Variants in PPP1R7 observed in about 807,000 individuals in gnomAD.
PPP1R7 encodes protein phosphatase 1 regulatory subunit 22.
PPP1R7 carries 18 observed loss-of-function variants against 45.2 expected under a neutral mutation model. That is an observed-to-expected ratio of 0.40 (90% CI 0.28 to 0.59). The LOEUF is 0.59. Among genes scored for constraint, PPP1R7 ranks in the 20% least tolerant of loss-of-function variants. PPP1R7 has a pLI of 0.46. For synonymous variants in PPP1R7, 181 were observed against 183.4 expected (o/e 0.99, Z 0.11); for missense variants, 314 against 455.8 (o/e 0.69, Z 2.83).
intron 7 of PPP1R7, among the ~76,000 whole-genome samples, chr2:241,166,037 G>C (rs1305135825): frequency 6.7e-6 from 1 of 149,874 alleles, no homozygotes; most frequent in Non-Finnish European, 1.5e-5. Flanking sequence ...CGAGTAGCTG[G>C]GACTACAGGC....
intron 8 of PPP1R7, among the ~76,000 whole-genome samples, chr2:241,168,082 C>T (rs943980707): frequency 3.3e-5 from 5 of 152,116 alleles, no homozygotes; most frequent in African/African-American, 4.8e-5. Flanking sequence ...GTTTCTGTGG[C>T]GTTGTGTCAT....
Position 241,169,877 on chromosome 2 carries a change from A to T in PPP1R7, c.906+10A>T, listed in dbSNP as rs373479501. The stretch of plus-strand genomic sequence containing the variant: ...GCTGCAAGAGTTCTGGGTAAGTTTA[A>T]TACACGCTGGGGTTGATGACACTTT... On this transcript the variant is annotated intron_variant, in intron 9 of 9. Transcript: ENST00000234038. The T allele has an allele frequency of 6.9e-6, 11 of 1,591,152 alleles. No homozygotes were observed. Among genetic ancestry groups the T allele is most frequent in the Middle Eastern group, 1.7e-4 (1 of 5,998 alleles).
At position 241,159,247 on chromosome 2, in the gene PPP1R7, T is replaced by C; in HGVS notation, c.338T>C (p.Ile113Thr). The C allele has an allele frequency of 6.2e-7, 1 of 1,613,598 alleles. No individual in the cohort carries two copies. Among genetic ancestry groups the C allele is most frequent in the Non-Finnish European group, 8.5e-7 (1 of 1,179,656 alleles). Residue 113 changes from isoleucine to threonine, a missense_variant, in exon 5 of 10, where the codon ATT becomes ACT. By Grantham distance (89) the Ile-to-Thr change is moderately conservative. Transcript: ENST00000234038. ...CTCCGCCAAAATTTAATTAAATGCA[T>C]TGAGAATCTGGAGGAGCTACAGAGT... The part of the protein sequence containing the change: ...LCLRQNLIKC[I>T]ENLEELQSLR...
intron 1 of PPP1R7, 56 bp from the exon 2 acceptor site, chr2:241,153,420 G>C: frequency 6.2e-7 from 1 of 1,603,786 alleles, no homozygotes; most frequent in Non-Finnish European, 8.5e-7. Flanking sequence ...TTTATTATAT[G>C]TTCCTCAAAG....
chr2:241,175,231 G>T (rs1449352592), intron 9 of PPP1R7, among the ~76,000 whole-genome samples: 1 of 152,138 alleles, frequency 6.6e-6, no homozygotes, highest in Non-Finnish European at 1.5e-5. Flanking sequence ...TACAGTGAGT[G>T]GTATTCAGCA....
At position 241,160,353 on chromosome 2, in the gene PPP1R7, TCTG is replaced by T; in HGVS notation, c.460_462del (p.Leu154del). ...TCAGGATTCTAGATATTTCTTTTAA[TCTG>T]CTGAGAAACATCGAAGGGGTTGACA... On this transcript the variant is annotated inframe_deletion, in exon 6 of 10. Transcript: ENST00000234038. The T allele has an allele frequency of 1.2e-6, 2 of 1,600,578 alleles. No individual in the cohort carries two copies. The highest frequency in any genetic ancestry group is 1.7e-6 in the Non-Finnish European group (2 of 1,176,526).
intron 2 of PPP1R7, among the ~76,000 whole-genome samples, chr2:241,156,132 G>A (rs1465853581): frequency 6.6e-6 from 1 of 152,202 alleles, no homozygotes; most frequent in Non-Finnish European, 1.5e-5. Flanking sequence ...GGAGGAGCCA[G>A]CCCTTGGCAT....
intron 1 of PPP1R7, 144 bp downstream of exon 1, chr2:241,150,691 G>C: frequency 3.2e-6 from 4 of 1,244,984 alleles, no homozygotes; most frequent in Admixed American, 8.4e-5. Flanking sequence ...AGCCGGACCC[G>C]GGGGAGCGGG....
At chr2:241,152,263 A>G (rs1264361078) in intron 1 of PPP1R7, among the ~76,000 whole-genome samples, 1 of 152,240 alleles carries the variant, frequency 6.6e-6, no homozygotes, top group South Asian at 2.1e-4. Context: ...TTTCAAATGG[A>G]AACGATTTGC....
At chr2:241,159,889 A>G in intron 5 of PPP1R7, among the ~76,000 whole-genome samples, 1 of 152,308 alleles carries the variant, frequency 6.6e-6, no homozygotes, top group Non-Finnish European at 1.5e-5. Flanking sequence ...AAATTAAAAA[A>G]GAAGGAGCCA....
upstream of PPP1R7, chr2:241,150,226 T>C: frequency 7.8e-7 from 1 of 1,280,852 alleles, no homozygotes; most frequent in Non-Finnish European, 9.9e-7. Flanking sequence ...GCTCTGTGCG[T>C]CCCGCTTCGA....
chr2:241,162,722 G>A (rs1279723414), intron 6 of PPP1R7, among the ~76,000 whole-genome samples: 1 of 144,156 alleles, frequency 6.9e-6, no homozygotes, highest in Non-Finnish European at 1.5e-5. Context: ...TCGTGCTGTT[G>A]CCCAGGCTAG....
At position 241,183,288 on chromosome 2, in the gene PPP1R7, T is replaced by C; in HGVS notation, c.*465T>C. 4.7e-6 allele frequency: 2 copies of C among 425,218 alleles called. No homozygotes were observed. Among genetic ancestry groups the C allele is most frequent in the South Asian group, 3.6e-5 (2 of 56,200 alleles). 26.3% of individuals were successfully genotyped at this position (425,218 alleles called of 1,614,324 possible). On this transcript the variant is annotated 3_prime_UTR_variant, in exon 10 of 10. Transcript: ENST00000234038. ...GCAACAACCGAGGTTTTTTAGTCTT[T>C]TAACCCAGCCATTTTCAATTTTTTA...
Position 241,182,568 on chromosome 2 carries a change from A to G in PPP1R7, c.907-79A>G. On this transcript the variant is annotated intron_variant, in intron 9 of 9. Transcript: ENST00000234038. Reference sequence around the variant, plus strand: ...CGCCATCTTCTGAGTGGGAAGGAGGAGGGTGGCTAGTGGACCCCACCAGAG... The same window carrying G: ...CGCCATCTTCTGAGTGGGAAGGAGGGGGGTGGCTAGTGGACCCCACCAGAG... 2.6e-6 allele frequency: 4 copies of G among 1,532,458 alleles called. No homozygotes were observed. The South Asian group carries it at 3.5e-5, about 13-fold the overall frequency. The allele number at this position is 1,532,458 out of a possible 1,614,324, so 94.9% of individuals were successfully genotyped here.
At chr2:241,172,015 TA>T in intron 9 of PPP1R7, among the ~76,000 whole-genome samples, 1 of 152,354 alleles carries the variant, frequency 6.6e-6, no homozygotes, top group East Asian at 1.9e-4. Flanking sequence ...GTGGTGTCTT[TA>T]GACTGCTTAC....
At chr2:241,159,113 T>A in intron 4 of PPP1R7, 100 bp from the exon 5 acceptor site, 1 of 1,388,596 alleles carries the variant, frequency 7.2e-7, no homozygotes, top group Non-Finnish European at 9.9e-7. Flanking sequence ...AGACATGTCC[T>A]TCTACCAGAA....
At chr2:241,166,316 T>G in intron 7 of PPP1R7, 21 bp from the exon 8 acceptor site, 2 of 1,599,560 alleles carry the variant, frequency 1.3e-6, no homozygotes, top group South Asian at 1.1e-5. Flanking sequence ...TTCTGACAGC[T>G]GTGTGCTCTC....
At chr2:241,182,621 G>C in intron 9 of PPP1R7, 26 bp from the exon 10 acceptor site, 1 of 1,612,440 alleles carries the variant, frequency 6.2e-7, no homozygotes. Context: ...TGGTTCTAAA[G>C]GCTTTTCTGC....
At chr2:241,152,741 A>T (rs998532965) in intron 1 of PPP1R7, among the ~76,000 whole-genome samples, 2 of 152,248 alleles carry the variant, frequency 1.3e-5, no homozygotes, top group Non-Finnish European at 2.9e-5. Flanking sequence ...GACTTCCAAA[A>T]GAGGTCATGA....
Sources: gnomAD v4.1 joint callset for allele counts (sites outside exome capture counted in the v4.1 genomes callset) on GRCh38, gnomAD v4.1.1 for gene constraint, MANE v1.5 for transcripts, NCBI Gene and HGNC (gene_info 2026-07-23, HGNC 2026-07-21) for gene names.